Variants in GABRA3 observed in about 807,000 individuals in gnomAD.
GABRA3 encodes gamma-aminobutyric acid type A receptor subunit alpha3.
Under a neutral mutation model 30.1 loss-of-function variants are expected in GABRA3, and 10 were observed. The ratio of observed to expected loss-of-function variants is 0.33; its 90% confidence interval spans 0.20 to 0.56. The LOEUF (loss-of-function observed/expected upper bound fraction) is 0.56. Ranked by LOEUF, GABRA3 falls within the 20% of genes least tolerant of loss-of-function variation. GABRA3 has a pLI of 0.89. For synonymous variants in GABRA3, 151 were observed against 146.8 expected, an observed-to-expected ratio of 1.03 and a Z score of -0.21; for missense variants, 233 against 392.0, an observed-to-expected ratio of 0.59 and a Z score of 3.42.
At chrX:152,356,640 T>C (rs919670041) in intron 2 of GABRA3, among the ~76,000 whole-genome samples, 2 of 111,622 alleles carry the variant, frequency 1.8e-5, no homozygotes, top group African/African-American at 6.5e-5. Context: ...AGGTTTGTTA[T>C]GTAGGTAAAT....
chrX:152,261,688 GC>G (rs773585739), intron 4 of GABRA3, among the ~76,000 whole-genome samples: 1 of 112,409 alleles, frequency 8.9e-6, no homozygotes, highest in South Asian at 3.7e-4. Context: ...GCAGGGTACA[GC>G]CCCCCTCCCA....
intron 3 of GABRA3, 54 bp from the exon 4 acceptor site, chrX:152,284,789 T>A (rs1172173178): frequency 1.1e-6 from 1 of 890,508 alleles, no homozygotes. Context: ...TTGTCTTAGC[T>A]CAGAGAGAGT....
In GABRA3 at chrX:152,364,517, G is replaced by A. The variant is rs866916306; in HGVS notation, c.54C>T (p.Phe18=). ...TGGTTCCAGGGAGAATATTAATCAG[G>A]AAAAGAATCCCAAGGCTGGTCATGT... ...HCYMTSLGIL[F]LINILPGTTG... is the part of the protein sequence containing the mutation. The change falls in exon 2 of 10, where the codon TTC becomes TTT. Residue 18 remains phenylalanine (F), a synonymous_variant. Coordinates refer to ENST00000370314, the MANE Select transcript of GABRA3 (RefSeq NM_000808.4). 1 of 1,208,904 alleles carries A rather than the reference G, an allele frequency of 8.3e-7. No individual in the cohort carries two copies. Among genetic ancestry groups the A allele is most frequent in the Non-Finnish European group, 1.1e-6 (1 of 893,503 alleles).
chrX:152,403,544 G>T (rs1331070097), intron 1 of GABRA3, among the ~76,000 whole-genome samples: 2 of 84,985 alleles, frequency 2.4e-5, no homozygotes, highest in Non-Finnish European at 5.0e-5. Flanking sequence ...GCTTGTGTGT[G>T]TGCACACGTG....
intron 5 of GABRA3, among the ~76,000 whole-genome samples, chrX:152,254,913 C>T (rs1363862737): frequency 9.0e-6 from 1 of 111,673 alleles, no homozygotes. Flanking sequence ...AAAAAGCAAA[C>T]CCAAAAACCA....
chrX:152,315,967 C>CCGG lies in GABRA3; in HGVS notation c.262+29613_262+29614insCCG, dbSNP rs1209391052. 1.2e-3 allele frequency among the ~76,000 whole-genome samples: 63 copies of CCGG among 50,570 alleles called. 2 individuals are homozygous for CCGG. Among genetic ancestry groups the CCGG allele is most frequent in the South Asian group, 2.5e-3 (2 of 806 alleles). 43.9% of individuals were successfully genotyped at this position (50,570 alleles called of 115,157 possible). A position where few individuals can be genotyped will look rare whatever the true frequency, so the allele number is the denominator to read the frequency against. On this transcript the variant is annotated intron_variant, in intron 3 of 9. Coordinates refer to ENST00000370314, the MANE Select transcript of GABRA3 (RefSeq NM_000808.4). Reference sequence around the variant, plus strand: ...TCTCTTGGGAGTTTTAGGCCCGCCCCCCGACCCCCCCCCCCCCCACCACAT... The same window carrying CCGG: ...TCTCTTGGGAGTTTTAGGCCCGCCCCCGGCCGACCCCCCCCCCCCCCACCACAT...
In GABRA3 at chrX:152,279,591, C is replaced by A. The variant is rs776287482; in HGVS notation, c.330+5077G>T. On this transcript the variant is annotated intron_variant, in intron 4 of 9. Coordinates refer to ENST00000370314, the MANE Select transcript of GABRA3 (RefSeq NM_000808.4). ...TTGGCTTAGGATTGACTTGGCAATG[C>A]GGGCTTTTTTTTGGTTCCATATGAA... 7.2e-5 allele frequency among the ~76,000 whole-genome samples: 8 copies of A among 110,994 alleles called. No individual in the cohort carries two copies. The South Asian group carries it at 2.7e-3, about 37-fold the overall frequency.
At chrX:152,444,299 A>G (rs1250271644) in intron 1 of GABRA3, among the ~76,000 whole-genome samples, 1 of 111,778 alleles carries the variant, frequency 8.9e-6, no homozygotes, top group Non-Finnish European at 1.9e-5. Flanking sequence ...CTCAAAATAT[A>G]TATCACATAA....
chrX:152,357,731 C>T (rs7058450), intron 2 of GABRA3, among the ~76,000 whole-genome samples: 12,053 of 111,292 alleles, frequency 0.11, 529 homozygotes, highest in South Asian at 0.13. Flanking sequence ...TCTAGATTAT[C>T]TTCCAGGGTT....
chrX:152,413,200 C>A (rs1930116893), intron 1 of GABRA3, among the ~76,000 whole-genome samples: 1 of 109,756 alleles, frequency 9.1e-6, no homozygotes, highest in Non-Finnish European at 1.9e-5. Flanking sequence ...AATCCCAGAC[C>A]AGATGGCTTC....
chrX:152,279,240 T>C (rs1939151867), intron 4 of GABRA3, among the ~76,000 whole-genome samples: 1 of 112,071 alleles, frequency 8.9e-6, no homozygotes, highest in Non-Finnish European at 1.9e-5. Flanking sequence ...TTTTATGGTT[T>C]TAGGTCTAAC....
chrX:152,418,364 A>G (rs1930287799), intron 1 of GABRA3, among the ~76,000 whole-genome samples: 1 of 112,087 alleles, frequency 8.9e-6, no homozygotes, highest in South Asian at 3.6e-4. Context: ...GTTAGAAAAA[A>G]TTAATAACAA....
intron 4 of GABRA3, among the ~76,000 whole-genome samples, chrX:152,275,951 C>A (rs1181257607): frequency 9.1e-6 from 1 of 109,394 alleles, no homozygotes; most frequent in African/African-American, 3.3e-5. Context: ...GGAATACCTC[C>A]CTGTAAAATC....
At chrX:152,384,674 T>C (rs1329423401) in intron 1 of GABRA3, among the ~76,000 whole-genome samples, 4 of 112,182 alleles carry the variant, frequency 3.6e-5, no homozygotes, top group African/African-American at 1.3e-4. Flanking sequence ...ACAATAGAAA[T>C]GAACTTCTTC....
At position 152,373,871 on chromosome X, in the gene GABRA3, T is replaced by G. The variant is rs1279238714; in HGVS notation, c.-26-9275A>C. The stretch of plus-strand genomic sequence containing the variant: ...CAATTCTCACCCATGAGTGAGAACA[T>G]GCGGCGTTTGGTTTTCTGTCATTGG... On this transcript the variant is annotated intron_variant, in intron 1 of 9. Coordinates refer to ENST00000370314, the MANE Select transcript of GABRA3 (RefSeq NM_000808.4). Among the ~76,000 whole-genome samples, 4 of 102,279 alleles carry G rather than the reference T, an allele frequency of 3.9e-5. No individual in the cohort carries two copies. The East Asian group carries it at 1.4e-3, about 35-fold the overall frequency. 88.8% of individuals were successfully genotyped at this position (102,279 alleles called of 115,157 possible). A position where few individuals can be genotyped will look rare whatever the true frequency, so the allele number is the denominator to read the frequency against.
At chrX:152,231,751 G>A (rs1243003571) in intron 5 of GABRA3, among the ~76,000 whole-genome samples, 1 of 111,579 alleles carries the variant, frequency 9.0e-6, no homozygotes, top group Admixed American at 9.6e-5. Flanking sequence ...TAGATAAAAG[G>A]TGGAAACAAC....
At chrX:152,305,660 A>G (rs1415135947) in intron 3 of GABRA3, among the ~76,000 whole-genome samples, 3 of 111,770 alleles carry the variant, frequency 2.7e-5, no homozygotes, top group African/African-American at 9.7e-5. Flanking sequence ...ATTCAATGGA[A>G]CTGTTTTATA....
At position 152,224,747 on chromosome X, in the gene GABRA3, G is replaced by A; in HGVS notation, c.634+16C>T. The A allele has an allele frequency of 1.8e-6, 2 of 1,127,020 alleles. No homozygotes were observed. The highest frequency in any genetic ancestry group is 2.4e-6 in the Non-Finnish European group (2 of 827,881). 92.9% of individuals were successfully genotyped at this position (1,127,020 alleles called of 1,213,427 possible). ...GGCAAAAAAAAAAGACAGAGAGAGA[G>A]AGAGAAAATACATACAGCTTCCAAA... is the stretch of plus-strand genomic sequence containing the variant. On this transcript the variant is annotated intron_variant, in intron 6 of 9. Coordinates refer to ENST00000370314, the MANE Select transcript of GABRA3 (RefSeq NM_000808.4).
chrX:152,261,721 T>G (rs1318263743), intron 4 of GABRA3, among the ~76,000 whole-genome samples: 3 of 111,793 alleles, frequency 2.7e-5, no homozygotes, highest in African/African-American at 9.8e-5. Flanking sequence ...GGGCTGGAGT[T>G]GAGTGTCTGT....
Sources: gnomAD v4.1 joint callset for allele counts (sites outside exome capture counted in the v4.1 genomes callset) on GRCh38, gnomAD v4.1.1 for gene constraint, MANE v1.5 for transcripts, NCBI Gene and HGNC (gene_info 2026-07-23, HGNC 2026-07-21) for gene names.